The following LRFN5 variants were observed in gnomAD, a reference collection of about 807,000 sequenced individuals.
LRFN5 encodes the protein leucine-rich repeat and fibronectin type-III domain-containing protein 5.
A neutral mutation model predicts 45.6 loss-of-function variants in LRFN5; 24 were observed. The observed-to-expected ratio is 0.53, with a 90% CI of 0.38 to 0.74. LRFN5 has a LOEUF of 0.74. LRFN5 is among the 30% of genes least tolerant of loss of function. LRFN5 has a pLI of 0.00. For missense variants in LRFN5, 776 were observed against 861.5 expected, an observed-to-expected ratio of 0.90 and a Z score of 1.24; for synonymous variants, 340 against 313.8, an observed-to-expected ratio of 1.08 and a Z score of -0.88.
chr14:41,694,594 C>T (rs1039071822), intron 1 of LRFN5, among the ~76,000 whole-genome samples: 2 of 151,756 alleles, frequency 1.3e-5, no homozygotes, highest in African/African-American at 4.8e-5. Flanking sequence ...TTTCATTTTG[C>T]TGTGTTTCAC....
chr14:41,686,686 T>C (rs1478154884), intron 1 of LRFN5, among the ~76,000 whole-genome samples: 1 of 152,220 alleles, frequency 6.6e-6, no homozygotes, highest in Non-Finnish European at 1.5e-5. Flanking sequence ...TTGAATTTTA[T>C]CAAAGGCATT....
intron 2 of LRFN5, among the ~76,000 whole-genome samples, chr14:41,815,991 C>T (rs1887903790): frequency 6.6e-6 from 1 of 151,866 alleles, no homozygotes; most frequent in Non-Finnish European, 1.5e-5. Flanking sequence ...TTAGAGTTTT[C>T]TCTAGAGTGT....
intron 1 of LRFN5, among the ~76,000 whole-genome samples, chr14:41,677,131 G>A (rs1168608468): frequency 1.3e-5 from 2 of 151,878 alleles, no homozygotes; most frequent in African/African-American, 4.8e-5. Flanking sequence ...AGAAAGGGGG[G>A]AAAAACAAGG....
At chr14:41,723,369 G>A (rs1025236694) in intron 1 of LRFN5, among the ~76,000 whole-genome samples, 1 of 152,278 alleles carries the variant, frequency 6.6e-6, no homozygotes, top group South Asian at 2.1e-4. Flanking sequence ...ACACAGAAAG[G>A]GTGGTGTGGC....
intron 2 of LRFN5, among the ~76,000 whole-genome samples, chr14:41,837,396 C>T (rs1888700635): frequency 6.6e-6 from 1 of 152,078 alleles, no homozygotes; most frequent in African/African-American, 2.4e-5. Flanking sequence ...CATAGAAGGA[C>T]AGAATCTACT....
chr14:41,752,928 G>C (rs1885202095), intron 1 of LRFN5, among the ~76,000 whole-genome samples: 1 of 152,130 alleles, frequency 6.6e-6, no homozygotes, highest in African/African-American at 2.4e-5. Context: ...AATCCATGTT[G>C]AATTAATTTT....
intron 5 of LRFN5, among the ~76,000 whole-genome samples, chr14:41,902,022 TCTC>T (rs1375088954): frequency 6.6e-6 from 1 of 151,994 alleles, no homozygotes; most frequent in Non-Finnish European, 1.5e-5. Context: ...TTAGAAATCA[TCTC>T]CTTGCTTAGA....
chr14:41,872,389 G>A (rs1461938356), intron 2 of LRFN5, among the ~76,000 whole-genome samples: 1 of 152,086 alleles, frequency 6.6e-6, no homozygotes, highest in Non-Finnish European at 1.5e-5. Context: ...AATCATTTTA[G>A]CATATTCATA....
At chr14:41,712,274 G>A (rs572590710) in intron 1 of LRFN5, among the ~76,000 whole-genome samples, 1 of 145,390 alleles carries the variant, frequency 6.9e-6, no homozygotes, top group South Asian at 2.4e-4. Context: ...TAAGAAAAAG[G>A]TTTTGGGCCA....
chr14:41,715,267 G>T (rs1375621360), intron 1 of LRFN5, among the ~76,000 whole-genome samples: 1 of 152,066 alleles, frequency 6.6e-6, no homozygotes, highest in African/African-American at 2.4e-5. Flanking sequence ...CACTTCTTTG[G>T]CATTATTTTA....
At chr14:41,734,614 C>T (rs929464825) in intron 1 of LRFN5, among the ~76,000 whole-genome samples, 21 of 150,598 alleles carry the variant, frequency 1.4e-4, no homozygotes, top group Admixed American at 4.6e-4. Context: ...TTTTAATCCA[C>T]TCAGCCTCTT....
In LRFN5 at chr14:41,887,290, T is replaced by C; in HGVS notation, c.665T>C (p.Leu222Pro). 1 of 1,614,220 alleles carries C rather than the reference T, an allele frequency of 6.2e-7. No homozygotes were observed. The highest frequency in any genetic ancestry group is 8.5e-7 in the Non-Finnish European group (1 of 1,180,040). ...CCTCTCTTTCAGCGAGCTCAGGTACTAGCAACCTCAGGAATCATAAGCCCA... is the reference window on the plus strand; with the variant it reads ...CCTCTCTTTCAGCGAGCTCAGGTACCAGCAACCTCAGGAATCATAAGCCCA... ...PDPLFQRAQV[L>P]ATSGIISPST... The change falls in exon 3 of 6, where the codon CTA (leucine) becomes CCA (proline). Residue 222 changes from leucine (L) to proline (P), a missense_variant. Leu to Pro is a moderately conservative substitution (Grantham distance 98). Around this residue, in one of 2 missense-constraint regions of LRFN5, gnomAD observed 311 missense variants for 405.1 expected, o/e 0.77. Coordinates refer to ENST00000298119, the MANE Select transcript of LRFN5 (RefSeq NM_152447.5). This position sits in a 1 kb window ranked among gnomAD's most constrained non-coding sequence, Gnocchi z 4.8.
intron 2 of LRFN5, among the ~76,000 whole-genome samples, chr14:41,865,595 G>T (rs901019920): frequency 2.0e-5 from 3 of 152,084 alleles, no homozygotes; most frequent in Non-Finnish European, 4.4e-5. Flanking sequence ...GAATGGAAAT[G>T]TTAAGTCATA....
At chr14:41,655,513 C>G (rs1478563225) in intron 1 of LRFN5, among the ~76,000 whole-genome samples, 1 of 151,902 alleles carries the variant, frequency 6.6e-6, no homozygotes, top group African/African-American at 2.4e-5. Context: ...CATGGAGGGC[C>G]TTTTGGAACT....
At chr14:41,878,787 A>C (rs1343697539) in intron 2 of LRFN5, among the ~76,000 whole-genome samples, 2 of 152,120 alleles carry the variant, frequency 1.3e-5, no homozygotes, top group Non-Finnish European at 2.9e-5. Context: ...TATATTTATG[A>C]ATTTTTAAAT....
chr14:41,666,261 T>C (rs1880892947), intron 1 of LRFN5, among the ~76,000 whole-genome samples: 1 of 152,074 alleles, frequency 6.6e-6, no homozygotes, highest in South Asian at 2.1e-4. Context: ...AGAGCACTTG[T>C]GGTTACAAGA....
intron 2 of LRFN5, among the ~76,000 whole-genome samples, chr14:41,848,901 A>G (rs1397130422): frequency 6.6e-6 from 1 of 151,984 alleles, no homozygotes; most frequent in Non-Finnish European, 1.5e-5. Context: ...CTTGCTTTGG[A>G]ATACTTCTAG....
chr14:41,807,690 T>C (rs1053898214), intron 2 of LRFN5, among the ~76,000 whole-genome samples: 4 of 152,086 alleles, frequency 2.6e-5, no homozygotes, highest in Non-Finnish European at 5.9e-5. Flanking sequence ...TTTAAATTAA[T>C]GTATACTAAT....
chr14:41,739,385 AATCATCATCATCATC>A, intron 1 of LRFN5, among the ~76,000 whole-genome samples: 1 of 148,424 alleles, frequency 6.7e-6, no homozygotes, highest in Admixed American at 6.8e-5. Flanking sequence ...ACATTGTGTC[AATCATCATCATCATC>A]ATCATCATCA....
Sources: allele counts gnomAD v4.1 joint callset (sites outside exome capture counted in the v4.1 genomes callset), GRCh38; gene constraint gnomAD v4.1.1; regional missense constraint gnomAD v4.1.1; non-coding constraint Gnocchi (gnomAD v3.1); transcripts MANE v1.5; gene names NCBI Gene and HGNC (gene_info 2026-07-23, HGNC 2026-07-21).